Variants in ARRB1 observed in about 807,000 individuals in gnomAD.
The protein encoded by ARRB1 is arrestin beta 1, also known as beta-arrestin-1.
A neutral mutation model predicts 56.8 loss-of-function variants in ARRB1; 21 were observed. That is an observed-to-expected ratio of 0.37 (90% confidence interval 0.26 to 0.53). The LOEUF is 0.53. Among genes scored for constraint, ARRB1 ranks in the 20% least tolerant of loss-of-function variants. The pLI is 0.88. For missense variants in ARRB1, 424 were observed against 553.7 expected (o/e 0.77, Z 2.35); for synonymous variants, 210 against 218.6 (o/e 0.96, Z 0.35).
intron 1 of ARRB1, chr11:75,306,796 G>C (rs563970062): frequency 6.3e-6 from 4 of 637,970 alleles, no homozygotes; most frequent in Non-Finnish European, 9.1e-6. Context: ...CGGGCTTCTC[G>C]GGCCATGGAG....
intron 5 of ARRB1, 57 bp from the exon 6 acceptor site, chr11:75,282,078 T>C (rs769930912): frequency 1.2e-5 from 19 of 1,586,960 alleles, no homozygotes; most frequent in African/African-American, 5.4e-5. Flanking sequence ...TCCTGTCTCA[T>C]GTATTGCAGC....
At chr11:75,344,195 C>T (rs1201551978) in intron 1 of ARRB1, among the ~76,000 whole-genome samples, 3 of 152,178 alleles carry the variant, frequency 2.0e-5, no homozygotes, top group Admixed American at 6.5e-5. Context: ...CAGCACTACC[C>T]TTTCGAGCAG....
chr11:75,285,911 A>G (rs1676886), intron 3 of ARRB1, among the ~76,000 whole-genome samples: 139,512 of 152,264 alleles, frequency 0.92, 64,015 homozygotes, highest in Non-Finnish European at 0.92. Flanking sequence ...GCAGCCACAG[A>G]TGAACACCAG....
chr11:75,298,388 A>G (rs1479511910), intron 1 of ARRB1, among the ~76,000 whole-genome samples: 3 of 152,190 alleles, frequency 2.0e-5, no homozygotes, highest in African/African-American at 7.2e-5. Context: ...TGGGCAATGG[A>G]TTTGTTTGAA....
chr11:75,342,136 G>A (rs567215107), intron 1 of ARRB1, among the ~76,000 whole-genome samples: 20 of 152,302 alleles, frequency 1.3e-4, no homozygotes, highest in African/African-American at 4.1e-4. Flanking sequence ...CTGTCTCCCA[G>A]GCCAGAGCCC....
chr11:75,286,120 T>G (rs1039631222), intron 3 of ARRB1, among the ~76,000 whole-genome samples: 4 of 152,020 alleles, frequency 2.6e-5, no homozygotes, highest in Non-Finnish European at 4.4e-5. Flanking sequence ...GTCTTCCTCC[T>G]GGTGAGCTGA....
At chr11:75,291,816 C>G (rs777770227) in intron 1 of ARRB1, among the ~76,000 whole-genome samples, 39 of 152,214 alleles carry the variant, frequency 2.6e-4, no homozygotes, top group Non-Finnish European at 4.9e-4. Context: ...AGGAGTAGGG[C>G]AGGAACACAT....
rs143426036 is a variant in ARRB1 at position 75,276,246 on chromosome 11, C to G, written c.776+593G>C. Reference sequence around the variant, plus strand: ...AAATGTGTATGTCTTTGAATGGGAGCATTTACTTCCTTTAGGTAAGTAAAG... The same window carrying G: ...AAATGTGTATGTCTTTGAATGGGAGGATTTACTTCCTTTAGGTAAGTAAAG... On this transcript the variant is annotated intron_variant, in intron 10 of 15. Coordinates refer to ENST00000420843, the MANE Select transcript of ARRB1 (RefSeq NM_004041.5). 2.3e-4 allele frequency among the ~76,000 whole-genome samples: 35 copies of G among 152,210 alleles called. No homozygotes were observed. In the East Asian group the frequency reaches 6.0e-3, roughly 26 times the overall value.
intron 1 of ARRB1, among the ~76,000 whole-genome samples, chr11:75,329,397 C>T (rs184950148): frequency 2.0e-5 from 3 of 152,136 alleles, no homozygotes; most frequent in Middle Eastern, 3.2e-3. Flanking sequence ...AGCCACTGAA[C>T]CTTGCTGCTG....
intron 1 of ARRB1, among the ~76,000 whole-genome samples, chr11:75,315,016 G>T (rs1477729859): frequency 6.6e-6 from 1 of 152,198 alleles, no homozygotes; most frequent in East Asian, 1.9e-4. Context: ...AGCAGGGCCT[G>T]CACTCGGGAC....
intron 1 of ARRB1, among the ~76,000 whole-genome samples, chr11:75,327,934 C>T (rs1027024133): frequency 3.9e-5 from 6 of 152,036 alleles, no homozygotes; most frequent in Admixed American, 6.6e-5. Flanking sequence ...AAGACCCTGT[C>T]TCTACAAATA....
chr11:75,281,997 C>G lies in ARRB1; in HGVS notation c.379G>C (p.Val127Leu). 1 of 1,614,134 alleles carries G rather than the reference C, an allele frequency of 6.2e-7. No homozygotes were observed. The highest frequency in any genetic ancestry group is 8.5e-7 in the Non-Finnish European group (1 of 1,179,992). The part of the protein sequence containing the change: ...FEIPPNLPCS[V>L]TLQPGPEDTG... ...TCTTCGGGCCCCGGCTGCAGTGTCA[C>G]AGAACATGGAAGGTTTGGAGGGATC... Residue 127 changes from valine (V) to leucine (L), a missense_variant, in exon 6 of 16, where the codon GTG becomes CTG. This residue lies in a region of ARRB1 where 301 missense variants were observed against 387.9 expected (regional missense o/e 0.78). Transcript: ENST00000420843.
chr11:75,341,700 G>A (rs1040860685), intron 1 of ARRB1, among the ~76,000 whole-genome samples: 16 of 152,158 alleles, frequency 1.1e-4, no homozygotes, highest in South Asian at 2.1e-4. Flanking sequence ...AGATGGAAAT[G>A]ACACTGCCCA....
intron 15 of ARRB1, among the ~76,000 whole-genome samples, chr11:75,267,259 A>G (rs1468653016): frequency 4.6e-5 from 7 of 152,036 alleles, no homozygotes. Flanking sequence ...CAGGAGTCAG[A>G]AGCAACAAGA....
chr11:75,295,627 C>G (rs1591936567), intron 1 of ARRB1, among the ~76,000 whole-genome samples: 1 of 152,216 alleles, frequency 6.6e-6, no homozygotes, highest in East Asian at 1.9e-4. Flanking sequence ...TCATTACCCT[C>G]TGCCATGTGA....
At chr11:75,326,188 A>G (rs1014011316) in intron 1 of ARRB1, among the ~76,000 whole-genome samples, 6 of 152,204 alleles carry the variant, frequency 3.9e-5, no homozygotes, top group Non-Finnish European at 8.8e-5. Flanking sequence ...CCAAGGCTCC[A>G]GGCTGGGAGG....
At chr11:75,333,712 C>T (rs1383019010) in intron 1 of ARRB1, among the ~76,000 whole-genome samples, 2 of 152,108 alleles carry the variant, frequency 1.3e-5, no homozygotes, top group Non-Finnish European at 2.9e-5. Flanking sequence ...ATTATGTAAC[C>T]GTCTCTAGGT....
intron 15 of ARRB1, among the ~76,000 whole-genome samples, chr11:75,267,334 C>G (rs922770974): frequency 6.6e-6 from 1 of 152,112 alleles, no homozygotes; most frequent in African/African-American, 2.4e-5. Context: ...ACAGGAGAGC[C>G]GAGCCCAGGG....
chr11:75,280,977 A>G (rs1946320338), intron 7 of ARRB1, 98 bp downstream of exon 7: 9 of 1,394,110 alleles, frequency 6.5e-6, no homozygotes, highest in Non-Finnish European at 8.9e-6. Flanking sequence ...CCCTCCTCAC[A>G]CACTTCCAGG....
Sources: allele counts gnomAD v4.1 joint callset (sites outside exome capture counted in the v4.1 genomes callset), GRCh38; gene constraint gnomAD v4.1.1; regional missense constraint gnomAD v4.1.1; transcripts MANE v1.5; gene names NCBI Gene and HGNC (gene_info 2026-07-23, HGNC 2026-07-21).